Variants in ACTL8 observed in about 807,000 individuals in gnomAD.
ACTL8 encodes the protein actin-like protein 8.
A neutral mutation model predicts 9.3 loss-of-function variants in ACTL8; 3 were observed. That is an observed-to-expected ratio of 0.32 (90% confidence interval 0.15 to 0.83). ACTL8 has a LOEUF of 0.83. Among genes scored for constraint, ACTL8 ranks in the 40% least tolerant of loss-of-function variants. ACTL8 has a pLI of 0.57. For synonymous variants in ACTL8, 224 were observed against 205.9 expected (o/e 1.09, Z -0.75); for missense variants, 381 against 492.2 (o/e 0.77, Z 2.14).
At chr1:17,775,453 G>A (rs2066112414) in intron 1 of ACTL8, among the ~76,000 whole-genome samples, 1 of 152,154 alleles carries the variant, frequency 6.6e-6, no homozygotes, top group African/African-American at 2.4e-5. Flanking sequence ...GATTCCGGAG[G>A]GAAGTGAAGA....
At chr1:17,795,118 T>TA (rs1557438340) in intron 1 of ACTL8, among the ~76,000 whole-genome samples, 1 of 152,228 alleles carries the variant, frequency 6.6e-6, no homozygotes, top group African/African-American at 2.4e-5. Flanking sequence ...CCAGGTACGT[T>TA]AATAGCATTC....
chr1:17,762,919 G>A (rs573397775), intron 1 of ACTL8, among the ~76,000 whole-genome samples: 10 of 152,124 alleles, frequency 6.6e-5, no homozygotes, highest in Non-Finnish European at 1.0e-4. Flanking sequence ...GGTGGGGCCC[G>A]CGCAATAATG....
intron 2 of ACTL8, among the ~76,000 whole-genome samples, chr1:17,825,182 G>A (rs527622943): frequency 2.6e-4 from 40 of 152,222 alleles, no homozygotes; most frequent in Non-Finnish European, 5.0e-4. Flanking sequence ...TTGTCTTGAC[G>A]TTTGTAAGGT....
chr1:17,815,873 T>G (rs1451879045), intron 1 of ACTL8, among the ~76,000 whole-genome samples: 1 of 152,214 alleles, frequency 6.6e-6, no homozygotes, highest in Non-Finnish European at 1.5e-5. Context: ...TGTTTTAGAT[T>G]GAATAATTTC....
At chr1:17,784,039 C>T (rs901942199) in intron 1 of ACTL8, among the ~76,000 whole-genome samples, 5 of 152,128 alleles carry the variant, frequency 3.3e-5, no homozygotes, top group African/African-American at 7.2e-5. Flanking sequence ...TCGTATTAGT[C>T]CATTTTCATA....
chr1:17,776,011 A>T (rs1453722190), intron 1 of ACTL8, among the ~76,000 whole-genome samples: 2 of 152,188 alleles, frequency 1.3e-5, no homozygotes, highest in Admixed American at 1.3e-4. Context: ...TGCTATCCAG[A>T]TGCTGAGGTT....
intron 1 of ACTL8, among the ~76,000 whole-genome samples, chr1:17,810,192 T>G (rs1325998716): frequency 6.6e-6 from 1 of 152,218 alleles, no homozygotes; most frequent in Non-Finnish European, 1.5e-5. Flanking sequence ...TCTCCCCACA[T>G]CCTTTCTTTT....
At chr1:17,799,576 A>G (rs1254558691) in intron 1 of ACTL8, among the ~76,000 whole-genome samples, 1 of 151,964 alleles carries the variant, frequency 6.6e-6, no homozygotes, top group Non-Finnish European at 1.5e-5. Context: ...CACTGAGCAG[A>G]AATCTATTTC....
chr1:17,759,119 T>C (rs970004224), intron 1 of ACTL8, among the ~76,000 whole-genome samples: 2 of 152,254 alleles, frequency 1.3e-5, no homozygotes, highest in East Asian at 1.9e-4. Flanking sequence ...GGAGGATTCA[T>C]ATGGAAGCTA....
At chr1:17,775,525 C>T (rs548896875) in intron 1 of ACTL8, among the ~76,000 whole-genome samples, 3 of 152,204 alleles carry the variant, frequency 2.0e-5, no homozygotes, top group Non-Finnish European at 4.4e-5. Context: ...GAAGCTCAGG[C>T]AGACCCAGAG....
intron 2 of ACTL8, among the ~76,000 whole-genome samples, chr1:17,824,334 G>C (rs1478870073): frequency 6.6e-6 from 1 of 152,200 alleles, no homozygotes; most frequent in South Asian, 2.1e-4. Flanking sequence ...AGAGAGGAAA[G>C]AAAAAAGAAC....
At chr1:17,791,394 C>G (rs1257193991) in intron 1 of ACTL8, among the ~76,000 whole-genome samples, 3 of 152,152 alleles carry the variant, frequency 2.0e-5, no homozygotes, top group Admixed American at 1.3e-4. Context: ...TAAACTGAGA[C>G]TCAGAGATGA....
intron 1 of ACTL8, among the ~76,000 whole-genome samples, chr1:17,795,666 C>A (rs901376414): frequency 2.8e-4 from 42 of 152,122 alleles, no homozygotes; most frequent in Non-Finnish European, 1.2e-4. Flanking sequence ...GGCAGTAAAA[C>A]TGAAATTAAA....
intron 1 of ACTL8, among the ~76,000 whole-genome samples, chr1:17,798,728 G>T (rs2066296886): frequency 1.3e-5 from 2 of 152,136 alleles, no homozygotes; most frequent in African/African-American, 2.4e-5. Flanking sequence ...TCTACCATTT[G>T]TCTGGCCAAG....
At chr1:17,780,076 G>A (rs2066144597) in intron 1 of ACTL8, among the ~76,000 whole-genome samples, 1 of 152,018 alleles carries the variant, frequency 6.6e-6, no homozygotes, top group South Asian at 2.1e-4. Context: ...TTGTAGTGGT[G>A]TGCACCTGCA....
At chr1:17,809,315 G>A (rs1455143769) in intron 1 of ACTL8, among the ~76,000 whole-genome samples, 2 of 152,148 alleles carry the variant, frequency 1.3e-5, no homozygotes, top group Non-Finnish European at 1.5e-5. Flanking sequence ...GGAGTTGAGT[G>A]GTCAGGAAAG....
intron 1 of ACTL8, among the ~76,000 whole-genome samples, chr1:17,771,163 T>G (rs2066080616): frequency 6.6e-6 from 1 of 152,244 alleles, no homozygotes; most frequent in Non-Finnish European, 1.5e-5. Flanking sequence ...ACTCAGCTGT[T>G]GTAACTTGAA....
chr1:17,808,104 G>A (rs955582825), intron 1 of ACTL8, among the ~76,000 whole-genome samples: 4 of 152,222 alleles, frequency 2.6e-5, no homozygotes, highest in South Asian at 4.1e-4. Flanking sequence ...CACTGAGAAT[G>A]TGGGTAAAAG....
chr1:17,798,201 A>C (rs182313867), intron 1 of ACTL8, among the ~76,000 whole-genome samples: 38 of 118,292 alleles, frequency 3.2e-4, no homozygotes, highest in Non-Finnish European at 6.9e-5. Flanking sequence ...CCTTTTCCTG[A>C]AATATGCAGT....
Sources: gnomAD v4.1 joint callset for allele counts (sites outside exome capture counted in the v4.1 genomes callset) on GRCh38, gnomAD v4.1.1 for gene constraint, MANE v1.5 for transcripts, NCBI Gene and HGNC (gene_info 2026-07-23, HGNC 2026-07-21) for gene names.